The following EP400 variants were observed in gnomAD, a reference collection of about 807,000 sequenced individuals.
EP400 encodes the protein E1A-binding protein p400.
EP400 carries 105 observed loss-of-function variants against 354.1 expected under a neutral mutation model. The ratio of observed to expected loss-of-function variants is 0.30; its 90% CI spans 0.25 to 0.35. The LOEUF is 0.35. Ranked by LOEUF, EP400 falls within the 10% of genes least tolerant of loss-of-function variation. The pLI, the probability that EP400 is intolerant of heterozygous loss-of-function variation, is 1.00. For synonymous variants in EP400, 1,646 were observed against 1,716.9 expected, an observed-to-expected ratio of 0.96 and a Z score of 1.02; for missense variants, 3,280 against 4,121.0, an observed-to-expected ratio of 0.80 and a Z score of 5.59.
chr12:132,039,576 A>C (rs904380740), intron 32 of EP400, among the ~76,000 whole-genome samples: 6 of 152,046 alleles, frequency 3.9e-5, no homozygotes. Flanking sequence ...CCCTGCCCCC[A>C]ACCCCGCCAC....
chr12:132,029,777 C>G lies in EP400; in HGVS notation c.5458C>G (p.His1820Asp), dbSNP rs61944609. ...RVPRPPPLYSHRMRILRQGLR... is the reference protein window; with the variant it reads ...RVPRPPPLYSDRMRILRQGLR... Reference sequence around the variant, plus strand: ...GCCGCGGCCGCCACCCCTGTACAGCCACAGAATGAGGATCTTGAGGCAGGG... The same window carrying G: ...GCCGCGGCCGCCACCCCTGTACAGCGACAGAATGAGGATCTTGAGGCAGGG... Residue 1820 changes from histidine to aspartate, a missense_variant, in exon 28 of 53, where the codon CAC becomes GAC. Coordinates refer to ENST00000389561, the MANE Select transcript of EP400 (RefSeq NM_015409.5). This position sits in a 1 kb window ranked among gnomAD's most constrained non-coding sequence, Gnocchi z 4.7. 1 of 1,613,706 alleles carries G rather than the reference C, an allele frequency of 6.2e-7. No individual in the cohort carries two copies. Among genetic ancestry groups the G allele is most frequent in the South Asian group, 1.1e-5 (1 of 91,088 alleles).
rs764076915 is a variant in EP400 at position 132,006,193 on chromosome 12, A to G, written c.3017A>G (p.Lys1006Arg). 2 of 1,614,230 alleles carry G rather than the reference A, an allele frequency of 1.2e-6. No homozygotes were observed. Among genetic ancestry groups the G allele is most frequent in the Non-Finnish European group, 8.5e-7 (1 of 1,180,052 alleles). ...TCGCTTTTCATCATGGATCAGTTCAAAGCTGCCGAGAGGATGAATATCGGG... is the reference window on the plus strand; with the variant it reads ...TCGCTTTTCATCATGGATCAGTTCAGAGCTGCCGAGAGGATGAATATCGGG... ...IDSLFIMDQF[K>R]AAERMNIGKP... Residue 1006 changes from lysine (K) to arginine (R), a missense_variant, in exon 14 of 53, where the codon AAA (lysine) becomes AGA (arginine). This residue lies in a region of EP400 where 800 missense variants were observed against 840.0 expected (regional missense o/e 0.95). Transcript: ENST00000389561.
intron 39 of EP400, among the ~76,000 whole-genome samples, chr12:132,046,583 A>G (rs1282862306): frequency 6.6e-6 from 1 of 152,178 alleles, no homozygotes; most frequent in Non-Finnish European, 1.5e-5. Flanking sequence ...TAGTCAAATC[A>G]TTGGTCTTTC....
At chr12:131,988,091 C>G (rs1892916421) in intron 7 of EP400, among the ~76,000 whole-genome samples, 1 of 146,782 alleles carries the variant, frequency 6.8e-6, no homozygotes, top group African/African-American at 2.5e-5. Context: ...CCAGACTGGT[C>G]TTGAATCCTG....
At position 131,987,886 on chromosome 12, in the gene EP400, A is replaced by C. The variant is rs2136500000; in HGVS notation, c.2405A>C (p.Lys802Thr). Residue 802 changes from lysine (K) to threonine (T), a missense_variant, in exon 7 of 53, where the codon AAG becomes ACG. Physicochemically the swap from Lys to Thr is moderately conservative, Grantham distance 78. Transcript: ENST00000389561. ...QERRWKVAAAKKLVRTVVRHH... is the reference protein window; with the variant it reads ...QERRWKVAAATKLVRTVVRHH... ...AGGAGGTGGAAGGTGGCTGCTGCGAAGAAGGTGGGTTGGAATGCGTGGAGC... is the reference window on the plus strand; with the variant it reads ...AGGAGGTGGAAGGTGGCTGCTGCGACGAAGGTGGGTTGGAATGCGTGGAGC... 2 of 1,605,896 alleles carry C rather than the reference A, an allele frequency of 1.2e-6. No homozygotes were observed. The highest frequency in any genetic ancestry group is 4.5e-5 in the East Asian group (2 of 44,624).
rs189609931 is a variant in EP400 at position 132,076,649 on chromosome 12, G to C, written c.9099+56G>C. 8,984 of 1,486,546 alleles carry C rather than the reference G, an allele frequency of 6.0e-3. 41 individuals are homozygous for C. The highest frequency in any genetic ancestry group is 7.4e-3 in the Non-Finnish European group (8,044 of 1,088,276). The allele number at this position is 1,486,546 out of a possible 1,614,324, so 92.1% of individuals were successfully genotyped here. On this transcript the variant is annotated intron_variant, in intron 52 of 52. Coordinates refer to ENST00000389561, the MANE Select transcript of EP400 (RefSeq NM_015409.5). ...CATTTCCCAGGTCAGAGAATGGGTT[G>C]TTTTCATCTGAGGTCATGATTAGGG...
rs151150951 is a variant in EP400, at chr12:132,050,953, C to T, written c.7394+298C>T. On this transcript the variant is annotated intron_variant, in intron 41 of 52. Transcript: ENST00000389561. The surrounding 1 kb of genome is among the most constrained non-coding windows in gnomAD (Gnocchi z 4.8). ...GGGCCATGTGGCCAACCACAAGGGGCTTTCTTCCTCACACCCCACCTCTCA... is the reference window on the plus strand; with the variant it reads ...GGGCCATGTGGCCAACCACAAGGGGTTTTCTTCCTCACACCCCACCTCTCA... 1 of 512,304 alleles carries T rather than the reference C, an allele frequency of 2.0e-6. No individual in the cohort carries two copies. The highest frequency in any genetic ancestry group is 3.5e-6 in the Non-Finnish European group (1 of 283,890). The allele number at this position is 512,304 out of a possible 1,614,324, so 31.7% of individuals were successfully genotyped here.
chr12:132,045,695 T>C (rs1453769538), intron 38 of EP400, 32 bp from the exon 39 acceptor site: 25 of 1,612,578 alleles, frequency 1.6e-5, no homozygotes, highest in Non-Finnish European at 2.0e-5. Context: ...TAGAGTGTAT[T>C]CACCTGTTTT....
Position 132,052,193 on chromosome 12 carries a change from T to C in EP400, c.7395-953T>C, listed in dbSNP as rs544887989. Among the ~76,000 whole-genome samples, 3 of 152,372 alleles carry C rather than the reference T, an allele frequency of 2.0e-5. No individual in the cohort carries two copies. The highest frequency in any genetic ancestry group is 6.5e-5 in the Admixed American group (1 of 15,308). On this transcript the variant is annotated intron_variant, in intron 41 of 52. Coordinates refer to ENST00000389561, the MANE Select transcript of EP400 (RefSeq NM_015409.5). This position sits in a 1 kb window ranked among gnomAD's most constrained non-coding sequence, Gnocchi z 4.4. ...ACTATTCTTGTTTTATATTTTATTA[T>C]ACTGGAACAGCTCGTGTCCTTGGTC...
At position 132,066,758 on chromosome 12, in the gene EP400, T is replaced by C. The variant is rs1487696694; in HGVS notation, c.8554-16T>C. On this transcript the variant is annotated splice_polypyrimidine_tract_variant and intron_variant, in intron 48 of 52. Transcript: ENST00000389561. The stretch of plus-strand genomic sequence containing the variant: ...CCTGAATTTCTCTGGACTCTCCCAT[T>C]ATTTCTACTGTTTAGACCCGGGTTC... 2 of 1,608,394 alleles carry C rather than the reference T, an allele frequency of 1.2e-6. No individual in the cohort carries two copies. Among genetic ancestry groups the C allele is most frequent in the Non-Finnish European group, 1.7e-6 (2 of 1,178,122 alleles).
chr12:132,062,734 CGTCTTGCG>C (rs1416011723), intron 47 of EP400, 33 bp downstream of exon 47: 1 of 1,607,666 alleles, frequency 6.2e-7, no homozygotes, highest in Non-Finnish European at 8.5e-7. Flanking sequence ...TGAACGTGTG[CGTCTTGCG>C]GTCAGTCAGC....
intron 29 of EP400, chr12:132,031,378 A>T (rs770119309): frequency 3.7e-5 from 19 of 519,076 alleles, no homozygotes; most frequent in South Asian, 2.5e-4. Context: ...GGTGGACTCT[A>T]ACTTTTTCCT....
rs756238646 is a variant in EP400 at position 132,069,549 on chromosome 12, G to C, written c.8929G>C (p.Ala2977Pro). 1 of 1,614,102 alleles carries C rather than the reference G, an allele frequency of 6.2e-7. No individual in the cohort carries two copies. The highest frequency in any genetic ancestry group is 8.5e-7 in the Non-Finnish European group (1 of 1,180,036). Residue 2977 changes from alanine (A) to proline (P), a missense_variant, in exon 51 of 53, where the codon GCG (alanine) becomes CCG (proline). Physicochemically the swap from Ala to Pro is conservative, Grantham distance 27. Transcript: ENST00000389561. Reference sequence around the variant, plus strand: ...CGCGCAGCAGAAGGTTGCCTACGCCGCGCAGCCGGCCCTTAAGACCCAGTT... The same window carrying C: ...CGCGCAGCAGAAGGTTGCCTACGCCCCGCAGCCGGCCCTTAAGACCCAGTT... ...PGAQQKVAYA[A>P]QPALKTQFLT...
intron 7 of EP400, among the ~76,000 whole-genome samples, chr12:131,989,461 A>T (rs570900040): frequency 6.6e-6 from 1 of 152,312 alleles, no homozygotes; most frequent in East Asian, 1.9e-4. Context: ...CAGGGCTCCA[A>T]AGGTTTTCTC....
At chr12:132,071,829 C>T (rs1896077276) in intron 51 of EP400, among the ~76,000 whole-genome samples, 1 of 152,174 alleles carries the variant, frequency 6.6e-6, no homozygotes. Context: ...CTCTCTGTTT[C>T]TGTATTATCA....
intron 15 of EP400, among the ~76,000 whole-genome samples, chr12:132,010,886 G>T (rs1458179915): frequency 6.6e-6 from 1 of 152,210 alleles, no homozygotes; most frequent in Non-Finnish European, 1.5e-5. Flanking sequence ...AGGTTGCAGT[G>T]AGCCGAGATT....
Position 132,029,841 on chromosome 12 carries a change from G to A in EP400, c.5522G>A (p.Arg1841Gln), listed in dbSNP as rs368570562. ...GCTGCGCCGTACTTCCAGCAGCTGC[G>A]GCAGACCACGGCTCCACGCCTGCTG... ...EHAAPYFQQL[R>Q]QTTAPRLLQF... The change falls in exon 28 of 53, where the codon CGG becomes CAG. Residue 1841 changes from arginine to glutamine, a missense_variant. This residue lies in a region of EP400 where 459 missense variants were observed against 496.9 expected (regional missense o/e 0.92). Transcript: ENST00000389561. This position sits in a 1 kb window ranked among gnomAD's most constrained non-coding sequence, Gnocchi z 4.7. 57 of 1,612,846 alleles carry A rather than the reference G, an allele frequency of 3.5e-5. No individual in the cohort carries two copies. The highest frequency in any genetic ancestry group is 4.7e-5 in the Non-Finnish European group (56 of 1,180,040).
In EP400 at chr12:132,067,384, C is replaced by G; in HGVS notation, c.8772C>G (p.Pro2924=). Residue 2924 remains proline (P), a synonymous_variant, in exon 50 of 53, where the codon CCC becomes CCG. Transcript: ENST00000389561. This position sits in a 1 kb window ranked among gnomAD's most constrained non-coding sequence, Gnocchi z 5.3. ...CAGGACAGACCGTGGTGGCCCAGCC[C>G]GTGCACATGCAGCAGCTGCTGAAGC... ...KAAGQTVVAQ[P]VHMQQLLKLK... 1 of 1,613,502 alleles carries G rather than the reference C, an allele frequency of 6.2e-7. No homozygotes were observed. The highest frequency in any genetic ancestry group is 8.5e-7 in the Non-Finnish European group (1 of 1,180,042).
At position 132,011,616 on chromosome 12, in the gene EP400, A is replaced by G. The variant is rs1259983674; in HGVS notation, c.3423A>G (p.Glu1141=). 3 of 1,605,994 alleles carry G rather than the reference A, an allele frequency of 1.9e-6. No homozygotes were observed. The highest frequency in any genetic ancestry group is 3.5e-5 in the Admixed American group (2 of 57,660). ...TCTCATATATTGGCAGCCACAGAGA[A>G]CTCAAAGCAAAGAGACAGGTATTTT... ...KILSYIGSHR[E]LKAKRQEWAE... Residue 1141 remains glutamate (E), a synonymous_variant, in exon 16 of 53, where the codon GAA becomes GAG. Transcript: ENST00000389561.
Sources: allele counts gnomAD v4.1 joint callset (sites outside exome capture counted in the v4.1 genomes callset), GRCh38; gene constraint gnomAD v4.1.1; regional missense constraint gnomAD v4.1.1; non-coding constraint Gnocchi (gnomAD v3.1); transcripts MANE v1.5; gene names NCBI Gene and HGNC (gene_info 2026-07-23, HGNC 2026-07-21).